TRDN: variants seen among roughly 807,000 people sequenced by gnomAD.
TRDN encodes the protein triadin, also known as triadin in skeletal muscle.
A neutral mutation model predicts 149.7 loss-of-function variants in TRDN; 161 were observed. The ratio of observed to expected loss-of-function variants is 1.08; its 90% CI spans 0.95 to 1.23. The LOEUF is 1.23. TRDN is among the 50% of genes most tolerant of loss of function. The pLI, the probability that TRDN is intolerant of heterozygous loss-of-function variation, is 0.00. For synonymous variants in TRDN, 294 were observed against 250.5 expected, an observed-to-expected ratio of 1.17 and a Z score of -1.64; for missense variants, 896 against 823.5, an observed-to-expected ratio of 1.09 and a Z score of -1.08.
chr6:123,477,856 C>G (rs928847788), intron 9 of TRDN, among the ~76,000 whole-genome samples: 1 of 140,350 alleles, frequency 7.1e-6, no homozygotes, highest in Non-Finnish European at 1.5e-5. Context: ...GGGAATTGAA[C>G]GATGAGATCA....
chr6:123,313,066 G>A (rs1329382844), intron 24 of TRDN, among the ~76,000 whole-genome samples: 1 of 151,802 alleles, frequency 6.6e-6, no homozygotes, highest in Non-Finnish European at 1.5e-5. Flanking sequence ...CCTCCACTTG[G>A]TTTATTCTGC....
chr6:123,464,731 G>C, intron 10 of TRDN, 175 bp downstream of exon 10: 1 of 1,392,106 alleles, frequency 7.2e-7, no homozygotes, highest in Non-Finnish European at 9.3e-7. Context: ...GGACATTTTT[G>C]GTTTTCTAAA....
At chr6:123,609,676 T>A (rs1257015591) in intron 1 of TRDN, among the ~76,000 whole-genome samples, 1 of 152,184 alleles carries the variant, frequency 6.6e-6, no homozygotes, top group Non-Finnish European at 1.5e-5. Flanking sequence ...CTTAAAGACT[T>A]CACTCACGTA....
intron 26 of TRDN, among the ~76,000 whole-genome samples, chr6:123,275,918 G>C (rs942856041): frequency 3.9e-5 from 6 of 152,112 alleles, no homozygotes; most frequent in Admixed American, 3.9e-4. Context: ...TATACTTCTA[G>C]AGACCGTGAA....
intron 33 of TRDN, 143 bp from the exon 34 acceptor site, chr6:123,260,781 A>C: frequency 1.6e-6 from 1 of 640,918 alleles, no homozygotes; most frequent in Non-Finnish European, 2.4e-6. Flanking sequence ...CATACTCAAA[A>C]TGGCAAAGAA....
intron 1 of TRDN, among the ~76,000 whole-genome samples, chr6:123,589,782 A>G (rs1008648983): frequency 1.3e-5 from 2 of 152,222 alleles, no homozygotes; most frequent in Non-Finnish European, 2.9e-5. Context: ...AATACTTCAT[A>G]TAAAGCTTCT....
At chr6:123,347,996 A>G (rs1228645152) in intron 21 of TRDN, among the ~76,000 whole-genome samples, 2 of 152,090 alleles carry the variant, frequency 1.3e-5, no homozygotes, top group African/African-American at 4.8e-5. Flanking sequence ...ACTCCAAGTT[A>G]AGAATTTTTG....
intron 9 of TRDN, among the ~76,000 whole-genome samples, chr6:123,473,600 A>G (rs914413000): frequency 1.4e-4 from 21 of 151,992 alleles, no homozygotes; most frequent in African/African-American, 4.8e-4. Flanking sequence ...AGAAGGCCAC[A>G]AAGATACTCC....
At chr6:123,612,311 A>G (rs1784858597) in intron 1 of TRDN, among the ~76,000 whole-genome samples, 1 of 149,314 alleles carries the variant, frequency 6.7e-6, no homozygotes, top group Admixed American at 6.7e-5. Flanking sequence ...CTAATGCTAA[A>G]TGATGAGTTA....
At chr6:123,316,854 T>C (rs796923247) in intron 23 of TRDN, among the ~76,000 whole-genome samples, 10 of 151,948 alleles carry the variant, frequency 6.6e-5, no homozygotes, top group African/African-American at 2.2e-4. Flanking sequence ...AAAAACGTCA[T>C]AAATTTTCCT....
At chr6:123,582,483 G>A (rs1783175737) in intron 1 of TRDN, among the ~76,000 whole-genome samples, 2 of 142,302 alleles carry the variant, frequency 1.4e-5, no homozygotes, top group Non-Finnish European at 3.1e-5. Context: ...ATTTGGGTAG[G>A]TAAAGGAAAA....
chr6:123,485,574 T>C (rs1777936064), intron 9 of TRDN, among the ~76,000 whole-genome samples: 1 of 152,134 alleles, frequency 6.6e-6, no homozygotes, highest in Non-Finnish European at 1.5e-5. Flanking sequence ...GCTACGTGAA[T>C]ATTAAATCAG....
At chr6:123,505,017 G>A (rs939635883) in intron 7 of TRDN, among the ~76,000 whole-genome samples, 10 of 151,990 alleles carry the variant, frequency 6.6e-5, no homozygotes, top group Admixed American at 1.3e-4. Context: ...AGACCAAGGC[G>A]GGCGGGTCAT....
chr6:123,314,090 A>G (rs1198999519), intron 24 of TRDN, among the ~76,000 whole-genome samples: 1 of 152,128 alleles, frequency 6.6e-6, no homozygotes, highest in Admixed American at 6.6e-5. Flanking sequence ...AATTTTTGCA[A>G]ACTATGTGTC....
chr6:123,258,006 GTTAC>G (rs892958619), intron 35 of TRDN, among the ~76,000 whole-genome samples: 16 of 152,178 alleles, frequency 1.1e-4, no homozygotes, highest in Non-Finnish European at 2.1e-4. Flanking sequence ...CTTTGCTGAA[GTTAC>G]TTACCAGCTC....
Position 123,438,054 on chromosome 6 carries a change from G to A in TRDN, c.1051+9C>T. On this transcript the variant is annotated intron_variant, in intron 12 of 40. Coordinates refer to ENST00000334268, the MANE Select transcript of TRDN (RefSeq NM_006073.4). ...TAATCCATCTAAGGAAACAAAGAAA[G>A]TGCAATACCTTTTTTTTCCACATCA... is the stretch of plus-strand genomic sequence containing the variant. The A allele has an allele frequency of 6.3e-7, 1 of 1,596,420 alleles. No homozygotes were observed. Among genetic ancestry groups the A allele is most frequent in the Non-Finnish European group, 8.5e-7 (1 of 1,171,198 alleles).
intron 12 of TRDN, among the ~76,000 whole-genome samples, chr6:123,412,651 G>A (rs1582987368): frequency 6.6e-6 from 1 of 152,058 alleles, no homozygotes; most frequent in South Asian, 2.1e-4. Flanking sequence ...ATCATCATTG[G>A]TTACATCTCT....
At chr6:123,607,881 G>T in intron 1 of TRDN, among the ~76,000 whole-genome samples, 1 of 149,318 alleles carries the variant, frequency 6.7e-6, no homozygotes, top group Admixed American at 6.7e-5. Context: ...TTAGAGATGG[G>T]GCCTTTTATG....
intron 9 of TRDN, among the ~76,000 whole-genome samples, chr6:123,488,359 G>C (rs1778062608): frequency 6.6e-6 from 1 of 152,060 alleles, no homozygotes; most frequent in African/African-American, 2.4e-5. Context: ...CTTCCCTTTT[G>C]CAGCTAGATA....
Sources: gnomAD v4.1 joint callset for allele counts (sites outside exome capture counted in the v4.1 genomes callset) on GRCh38, gnomAD v4.1.1 for gene constraint, MANE v1.5 for transcripts, NCBI Gene and HGNC (gene_info 2026-07-23, HGNC 2026-07-21) for gene names.